The following TRAPPC2L variants were observed in gnomAD, a reference collection of about 807,000 sequenced individuals.
The protein encoded by TRAPPC2L is trafficking protein particle complex subunit 2-like protein.
A neutral mutation model predicts 13.2 loss-of-function variants in TRAPPC2L; 17 were observed. The ratio of observed to expected loss-of-function variants is 1.29; its 90% CI spans 0.88 to 1.93. The LOEUF is 1.93. Among genes scored for constraint, TRAPPC2L ranks in the 30% most tolerant of loss-of-function variants. The probability of loss-of-function intolerance (pLI) is 0.00; values close to 1 mark genes in which losing one functional copy is unlikely to be tolerated. For missense variants in TRAPPC2L, 359 were observed against 252.1 expected (o/e 1.42, Z -2.87); for synonymous variants, 150 against 98.1 (o/e 1.53, Z -3.12).
intron 2 of TRAPPC2L, chr16:88,859,169 A>C: frequency 2.3e-6 from 1 of 439,592 alleles, no homozygotes; most frequent in Non-Finnish European, 4.3e-6. Context: ...TTATGTCACT[A>C]GACACTCGTC....
intron 2 of TRAPPC2L, 23 bp downstream of exon 2, chr16:88,858,814 TG>T (rs774008244): frequency 1.6e-4 from 256 of 1,603,204 alleles, no homozygotes; most frequent in Non-Finnish European, 2.1e-4. Flanking sequence ...GCAGGGTGTG[TG>T]TCAGGGAGGA....
At chr16:88,856,883 C>A, upstream of TRAPPC2L, 5 of 1,506,112 alleles carry the variant, frequency 3.3e-6, no homozygotes, top group Non-Finnish European at 3.5e-6. Context: ...GCCATGGCAA[C>A]CACGGGAGCC....
chr16:88,859,065 G>A (rs1452748363), intron 2 of TRAPPC2L: 1 of 503,808 alleles, frequency 2.0e-6, no homozygotes, highest in Non-Finnish European at 3.6e-6. Flanking sequence ...CTTCTGCTTT[G>A]TACCTGCAAG....
Position 88,859,932 on chromosome 16 carries a change from T to C in TRAPPC2L, c.334T>C (p.Cys112Arg), listed in dbSNP as rs759909069. 28 of 1,540,924 alleles carry C rather than the reference T, an allele frequency of 1.8e-5. No individual in the cohort carries two copies. Among genetic ancestry groups the C allele is most frequent in the African/African-American group, 2.3e-5 (1 of 43,800 alleles). ...ACACAACTCCTACACAGACGTGATG[T>C]GCAACCCCTTCTACAACCCGGGGGA... The change falls in exon 4 of 4, where the codon TGC (cysteine) becomes CGC (arginine). Residue 112 changes from cysteine (C) to arginine (R), a missense_variant. Transcript: ENST00000565504.
chr16:88,856,828 A>G (rs1406362143), upstream of TRAPPC2L: 2 of 1,525,652 alleles, frequency 1.3e-6, no homozygotes, highest in Non-Finnish European at 8.7e-7. Flanking sequence ...CGCGGCGCTG[A>G]GCACCAGCAA....
rs1402930539 is a variant in TRAPPC2L at position 88,858,479 on chromosome 16, TAGAG to T, written c.34-138_34-135del. On this transcript the variant is annotated intron_variant, in intron 1 of 3. Transcript: ENST00000565504. ...CCTGAAGGCAGTGCCCACTGCGGCA[TAGAG>T]AATGAAGCGGTGGGCCTTAGAGCAT... 5 of 837,244 alleles carry T rather than the reference TAGAG, an allele frequency of 6.0e-6. No individual in the cohort carries two copies. In the African/African-American group the frequency reaches 6.9e-5, roughly 11 times the overall value. The allele number at this position is 837,244 out of a possible 1,614,324, so 51.9% of individuals were successfully genotyped here.
exon 4 of TRAPPC2L, chr16:88,860,242 G>A: frequency 1.4e-6 from 1 of 702,570 alleles, no homozygotes; most frequent in Non-Finnish European, 2.6e-6. Context: ...TGCCCAGTGG[G>A]TACCTGGGGC....
chr16:88,859,391 CCAGA>C (rs1158569562), intron 2 of TRAPPC2L: 3 of 697,316 alleles, frequency 4.3e-6, no homozygotes, highest in Non-Finnish European at 7.8e-6. Flanking sequence ...GTGAGGTGTT[CCAGA>C]CAGACAGACT....
At position 88,860,268 on chromosome 16, in the gene TRAPPC2L, G is replaced by A. The variant is rs1188603405; in HGVS notation, c.670G>A (p.Gly224Ser). ...TACCTGGGGCACCTGCAGGACTCAGGGCCAAGCACATGGGCAGTGGCTTTC... is the reference window on the plus strand; with the variant it reads ...TACCTGGGGCACCTGCAGGACTCAGAGCCAAGCACATGGGCAGTGGCTTTC... The change falls in exon 4 of 4, where the codon GGC becomes AGC. Residue 224 changes from glycine to serine, a missense_variant. Physicochemically the swap from Gly to Ser is moderately conservative, Grantham distance 56 (BLOSUM62 0). Transcript: ENST00000565504. 2.6e-5 allele frequency: 18 copies of A among 702,090 alleles called. No homozygotes were observed. In the African/African-American group the frequency reaches 3.0e-4, roughly 12 times the overall value. 43.5% of individuals were successfully genotyped at this position (702,090 alleles called of 1,614,324 possible). A position where few individuals can be genotyped will look rare whatever the true frequency, so the allele number is the denominator to read the frequency against.
At chr16:88,857,032 T>C, upstream of TRAPPC2L, 3 of 1,414,290 alleles carry the variant, frequency 2.1e-6, no homozygotes, top group African/African-American at 1.5e-5. Flanking sequence ...GGGCCTGGAC[T>C]GCCTCGTGAC....
chr16:88,857,561 C>T, intron 1 of TRAPPC2L: 2 of 272,020 alleles, frequency 7.4e-6, no homozygotes, highest in Non-Finnish European at 1.4e-5. Flanking sequence ...CCAGTCTCCC[C>T]GGAGCCGAGT....
At chr16:88,861,034 C>A in exon 4 of TRAPPC2L, 1 of 1,477,230 alleles carries the variant, frequency 6.8e-7, no homozygotes, top group South Asian at 1.2e-5. Context: ...TTCTGGTTGC[C>A]TCTTCCTGAA....
intron 2 of TRAPPC2L, chr16:88,859,006 G>A (rs1968189688): frequency 1.7e-6 from 1 of 584,878 alleles, no homozygotes; most frequent in Non-Finnish European, 3.0e-6. Flanking sequence ...CCCGTAGAAT[G>A]TTTTGGTTTG....
exon 4 of TRAPPC2L, chr16:88,861,923 T>G (rs996059514): frequency 4.0e-6 from 1 of 248,116 alleles, no homozygotes; most frequent in Non-Finnish European, 8.2e-6. Flanking sequence ...CAGTGTTAAT[T>G]TTAGAAATTA....
At chr16:88,859,580 C>A (rs1310090663) in intron 2 of TRAPPC2L, 83 bp from the exon 3 acceptor site, 3 of 1,325,928 alleles carry the variant, frequency 2.3e-6, no homozygotes, top group Non-Finnish European at 3.3e-6. Context: ...AAGGTTGCCA[C>A]ATTTCTCCAA....
chr16:88,858,994 T>C, intron 2 of TRAPPC2L: 1 of 601,230 alleles, frequency 1.7e-6, no homozygotes, highest in South Asian at 2.1e-5. Context: ...AGGCTAGAAT[T>C]CCCCGTAGAA....
exon 2 of TRAPPC2L, chr16:88,858,673 T>A: frequency 6.2e-7 from 1 of 1,613,544 alleles, no homozygotes; most frequent in Non-Finnish European, 8.5e-7. Flanking sequence ...GAAGTTCCAC[T>A]ACATGGTGCA....
upstream of TRAPPC2L, chr16:88,856,835 G>A: frequency 3.3e-6 from 5 of 1,521,148 alleles, no homozygotes; most frequent in Non-Finnish European, 4.4e-6. Flanking sequence ...CTGAGCACCA[G>A]CAACAGCTGC....
At chr16:88,856,696 C>T, upstream of TRAPPC2L, 1 of 595,890 alleles carries the variant, frequency 1.7e-6, no homozygotes, top group Non-Finnish European at 2.9e-6. Context: ...GCTCCTCCCT[C>T]CATCCGCCCC....
Sources: gnomAD v4.1 joint callset for allele counts on GRCh38, gnomAD v4.1.1 for gene constraint, MANE v1.5 for transcripts, NCBI Gene and HGNC (gene_info 2026-07-23, HGNC 2026-07-21) for gene names.